Variants in RAB10 observed in about 807,000 individuals in gnomAD.
The protein encoded by RAB10 is ras-related protein Rab-10.
Under a neutral mutation model 25.7 loss-of-function variants are expected in RAB10, and 5 were observed. That is an observed-to-expected ratio of 0.19 (90% confidence interval 0.10 to 0.41). The LOEUF (loss-of-function observed/expected upper bound fraction) is 0.41. Among genes scored for constraint, RAB10 ranks in the 10% least tolerant of loss-of-function variants. The pLI is 1.00. For missense variants in RAB10, 103 were observed against 245.8 expected, an observed-to-expected ratio of 0.42 and a Z score of 3.89; for synonymous variants, 89 against 86.4, an observed-to-expected ratio of 1.03 and a Z score of -0.16.
intron 5 of RAB10, among the ~76,000 whole-genome samples, chr2:26,130,123 A>T (rs920339639): frequency 1.3e-5 from 2 of 152,180 alleles, no homozygotes. Flanking sequence ...TGAAATTTCA[A>T]CAGCTTTCTT....
At chr2:26,118,422 A>T (rs895050165) in intron 3 of RAB10, among the ~76,000 whole-genome samples, 5 of 150,814 alleles carry the variant, frequency 3.3e-5, no homozygotes, top group South Asian at 2.1e-4. Flanking sequence ...TAAGTGCTTT[A>T]AAAAAAAACA....
At chr2:26,119,000 G>A (rs183245022) in intron 3 of RAB10, among the ~76,000 whole-genome samples, 1 of 152,206 alleles carries the variant, frequency 6.6e-6, no homozygotes, top group Non-Finnish European at 1.5e-5. Flanking sequence ...ATAAGAAAAT[G>A]TATGAGAGAA....
intron 1 of RAB10, among the ~76,000 whole-genome samples, chr2:26,097,412 T>C (rs1667245303): frequency 1.3e-5 from 2 of 152,066 alleles, no homozygotes; most frequent in Non-Finnish European, 2.9e-5. Flanking sequence ...TAGCTGGGAT[T>C]GCAAGCATGC....
intron 5 of RAB10, among the ~76,000 whole-genome samples, chr2:26,130,517 C>A (rs1667991472): frequency 6.6e-6 from 1 of 151,726 alleles, no homozygotes. Context: ...CTATGTTGCC[C>A]AGGCTAGATT....
chr2:26,128,371 C>T (rs773279621), intron 5 of RAB10, among the ~76,000 whole-genome samples: 25 of 152,128 alleles, frequency 1.6e-4, no homozygotes, highest in South Asian at 6.2e-4. Flanking sequence ...GGCCACGGAC[C>T]GGTAAGAGTC....
rs1668099606 is a variant in RAB10 at position 26,135,787 on chromosome 2, T to C, written c.*766T>C. On this transcript the variant is annotated 3_prime_UTR_variant, in exon 6 of 6. Coordinates refer to ENST00000264710, the MANE Select transcript of RAB10 (RefSeq NM_016131.5). Reference sequence around the variant, plus strand: ...TCCTTGGCCACTTCTTCCTTGCGTCTCCCTGCATGCTGCTTTATTTGCTTC... The same window carrying C: ...TCCTTGGCCACTTCTTCCTTGCGTCCCCCTGCATGCTGCTTTATTTGCTTC... 1.3e-5 allele frequency: 2 copies of C among 152,716 alleles called. No homozygotes were observed. Among genetic ancestry groups the C allele is most frequent in the South Asian group, 4.1e-4 (2 of 4,836 alleles). 9.5% of individuals were successfully genotyped at this position (152,716 alleles called of 1,614,324 possible).
At position 26,034,223 on chromosome 2, in the gene RAB10, A is replaced by G. The variant is rs1665705968; in HGVS notation, c.-386A>G. On this transcript the variant is annotated 5_prime_UTR_variant, in exon 1 of 6. Coordinates refer to ENST00000264710, the MANE Select transcript of RAB10 (RefSeq NM_016131.5). ...TTCGCTGCCCTCGCCGCGTGCTAGCAGGGAGTTTCCGCTCGGGAGAGAGAC... is the reference window on the plus strand; with the variant it reads ...TTCGCTGCCCTCGCCGCGTGCTAGCGGGGAGTTTCCGCTCGGGAGAGAGAC... 1 of 436,622 alleles carries G rather than the reference A, an allele frequency of 2.3e-6. No homozygotes were observed. Among genetic ancestry groups the G allele is most frequent in the Non-Finnish European group, 4.1e-6 (1 of 246,656 alleles). The allele number at this position is 436,622 out of a possible 1,614,324, so 27.0% of individuals were successfully genotyped here.
chr2:26,061,701 C>T lies in RAB10; in HGVS notation c.127+26966C>T, dbSNP rs115309274. Among the ~76,000 whole-genome samples, 597 of 152,022 alleles carry T rather than the reference C, an allele frequency of 3.9e-3. 2 individuals are homozygous for T. The highest frequency in any genetic ancestry group is 6.9e-3 in the Non-Finnish European group (471 of 67,984). ...TCATTGTCCCCAGTCTTATTTTTCTCGCTTAACAGTAATTTTAAGTAGTCA... is the reference window on the plus strand; with the variant it reads ...TCATTGTCCCCAGTCTTATTTTTCTTGCTTAACAGTAATTTTAAGTAGTCA... On this transcript the variant is annotated intron_variant, in intron 1 of 5. Coordinates refer to ENST00000264710, the MANE Select transcript of RAB10 (RefSeq NM_016131.5).
intron 3 of RAB10, among the ~76,000 whole-genome samples, chr2:26,122,161 G>A (rs1004662835): frequency 2.0e-5 from 3 of 152,162 alleles, no homozygotes; most frequent in Admixed American, 6.6e-5. Flanking sequence ...GTGGTTGCCC[G>A]TTATTTCAAG....
At chr2:26,068,262 A>C (rs1179640876) in intron 1 of RAB10, among the ~76,000 whole-genome samples, 1 of 152,060 alleles carries the variant, frequency 6.6e-6, no homozygotes, top group Non-Finnish European at 1.5e-5. Flanking sequence ...TAGCAGAAGC[A>C]ATAGATGTTG....
rs1020172426 is a variant in RAB10 at position 26,034,495 on chromosome 2, TC to T, written c.-111del. On this transcript the variant is annotated 5_prime_UTR_variant, in exon 1 of 6. Coordinates refer to ENST00000264710, the MANE Select transcript of RAB10 (RefSeq NM_016131.5). The stretch of plus-strand genomic sequence containing the variant: ...TCGCCCGCGCCGTCTCGAGCCTTTT[TC>T]CCACGCTTCCCCGGTCCTCCGGCCT... 8.4e-5 allele frequency: 121 copies of T among 1,442,268 alleles called. No homozygotes were observed. The highest frequency in any genetic ancestry group is 2.5e-4 in the Middle Eastern group (1 of 3,936). The allele number at this position is 1,442,268 out of a possible 1,614,324, so 89.3% of individuals were successfully genotyped here.
chr2:26,045,885 T>C (rs1278872587), intron 1 of RAB10, among the ~76,000 whole-genome samples: 1 of 151,180 alleles, frequency 6.6e-6, no homozygotes, highest in East Asian at 1.9e-4. Context: ...AAAAAAGAGT[T>C]TAAAGGATTA....
chr2:26,044,537 TG>T (rs1665954488), intron 1 of RAB10, among the ~76,000 whole-genome samples: 1 of 151,808 alleles, frequency 6.6e-6, no homozygotes, highest in Non-Finnish European at 1.5e-5. Context: ...AAAGGCCACA[TG>T]GCTAATTAGT....
intron 1 of RAB10, among the ~76,000 whole-genome samples, chr2:26,050,087 G>GT (rs112206812): frequency 3.9e-5 from 6 of 152,104 alleles, no homozygotes; most frequent in East Asian, 3.8e-4. Context: ...GCGATACCCT[G>GT]TTTTTTTGCA....
chr2:26,100,346 T>C (rs1374089463), intron 2 of RAB10, among the ~76,000 whole-genome samples: 1 of 152,206 alleles, frequency 6.6e-6, no homozygotes, highest in Non-Finnish European at 1.5e-5. Context: ...TAAAAAATTA[T>C]TCCCTGACAG....
chr2:26,084,622 A>G (rs766753770), intron 1 of RAB10, among the ~76,000 whole-genome samples: 4 of 152,226 alleles, frequency 2.6e-5, no homozygotes, highest in African/African-American at 7.2e-5. Flanking sequence ...AAGTGTGCAC[A>G]TGGAATTCAT....
chr2:26,049,068 G>T (rs965985942), intron 1 of RAB10, among the ~76,000 whole-genome samples: 2 of 151,780 alleles, frequency 1.3e-5, no homozygotes, highest in African/African-American at 4.8e-5. Flanking sequence ...TAGGAACTCT[G>T]TCCATCATAG....
At chr2:26,071,066 A>G (rs1666616399) in intron 1 of RAB10, among the ~76,000 whole-genome samples, 1 of 152,186 alleles carries the variant, frequency 6.6e-6, no homozygotes, top group Non-Finnish European at 1.5e-5. Context: ...ACAAGAGAAA[A>G]CTAAAATAAT....
chr2:26,062,571 G>A (rs1666424501), intron 1 of RAB10, among the ~76,000 whole-genome samples: 2 of 151,996 alleles, frequency 1.3e-5, no homozygotes, highest in African/African-American at 2.4e-5. Flanking sequence ...TCAGCTACTC[G>A]GGAGGCTGAG....
Sources: gnomAD v4.1 joint callset for allele counts (sites outside exome capture counted in the v4.1 genomes callset) on GRCh38, gnomAD v4.1.1 for gene constraint, MANE v1.5 for transcripts, NCBI Gene and HGNC (gene_info 2026-07-23, HGNC 2026-07-21) for gene names.